The following SPEF2 variants were observed in gnomAD, a reference collection of about 807,000 sequenced individuals.
SPEF2 encodes sperm flagellar and cilia associated 2, also known as sperm flagella and cilia-associated protein 2.
SPEF2 carries 187 observed loss-of-function variants against 224.6 expected under a neutral mutation model. The ratio of observed to expected loss-of-function variants is 0.83; its 90% CI spans 0.74 to 0.94. SPEF2 has a LOEUF of 0.94. SPEF2 is among the 40% of genes least tolerant of loss of function. The pLI is 0.00. For synonymous variants in SPEF2, 715 were observed against 707.3 expected (o/e 1.01, Z -0.17); for missense variants, 2,170 against 2,135.6 (o/e 1.02, Z -0.32).
In SPEF2 at chr5:35,641,489, G is replaced by A. The variant is rs34307272; in HGVS notation, c.220G>A (p.Gly74Ser). The change falls in exon 3 of 37, where the codon GGT becomes AGT. Residue 74 changes from glycine (G) to serine (S), a missense_variant. Transcript: ENST00000356031. Reference sequence around the variant, plus strand: ...CTTGGAGCCAACACTTAACCTTCTGGGTGTGCAGTTTGATCAGAATGTGGC... The same window carrying A: ...CTTGGAGCCAACACTTAACCTTCTGAGTGTGCAGTTTGATCAGAATGTGGC... ...SRLEPTLNLLGVQFDQNVAHG... is the reference protein window; with the variant it reads ...SRLEPTLNLLSVQFDQNVAHG... 0.05 allele frequency: 80,650 copies of A among 1,613,610 alleles called. 2,246 individuals are homozygous for A. Among genetic ancestry groups the A allele is most frequent in the African/African-American group, 0.062 (4,617 of 74,938 alleles).
chr5:35,640,246 T>A (rs1746422298), intron 2 of SPEF2, among the ~76,000 whole-genome samples: 1 of 152,142 alleles, frequency 6.6e-6, no homozygotes, highest in African/African-American at 2.4e-5. Flanking sequence ...AACATGCCCC[T>A]AAAATCTGTA....
chr5:35,708,695 C>T (rs113363488), intron 18 of SPEF2, among the ~76,000 whole-genome samples: 47 of 948 alleles, frequency 0.05, no homozygotes, highest in Non-Finnish European at 0.067. Flanking sequence ...ACCTCCATCA[C>T]CATCACCACC....
chr5:35,630,699 A>C (rs1009974433), intron 2 of SPEF2, among the ~76,000 whole-genome samples: 1 of 151,254 alleles, frequency 6.6e-6, no homozygotes, highest in Non-Finnish European at 1.5e-5. Context: ...CCGTCTCAAA[A>C]AAAGAAAAAA....
At chr5:35,692,267 T>C (rs1754623720) in intron 11 of SPEF2, among the ~76,000 whole-genome samples, 1 of 151,884 alleles carries the variant, frequency 6.6e-6, no homozygotes, top group Non-Finnish European at 1.5e-5. Context: ...AAAAATTAGC[T>C]GGGTGTGGTG....
At chr5:35,638,634 TATTAC>T (rs1361941127) in intron 2 of SPEF2, among the ~76,000 whole-genome samples, 1 of 152,196 alleles carries the variant, frequency 6.6e-6, no homozygotes, top group African/African-American at 2.4e-5. Context: ...TCCCTTTCCT[TATTAC>T]ATTATCATTA....
At chr5:35,812,553 T>C (rs553614785) in intron 36 of SPEF2, among the ~76,000 whole-genome samples, 2 of 152,336 alleles carry the variant, frequency 1.3e-5, no homozygotes, top group African/African-American at 2.4e-5. Flanking sequence ...CTGTGATAAA[T>C]ATATATTTAT....
At chr5:35,710,535 G>C in intron 19 of SPEF2, 3 of 958,944 alleles carry the variant, frequency 3.1e-6, no homozygotes, top group Non-Finnish European at 3.7e-6. Context: ...CTAGCCTGGG[G>C]GATAGAGTGA....
At chr5:35,671,264 A>G in intron 10 of SPEF2, 1 of 978,140 alleles carries the variant, frequency 1.0e-6, no homozygotes, top group African/African-American at 1.7e-5. Context: ...AAATAACACT[A>G]ACAAGTAAAT....
chr5:35,771,887 C>G (rs1351540811), intron 27 of SPEF2, 131 bp downstream of exon 27: 8 of 1,131,674 alleles, frequency 7.1e-6, no homozygotes, highest in Non-Finnish European at 9.5e-6. Flanking sequence ...AACTAGAGAC[C>G]CGGGCTTCTA....
rs1346958084 is a variant in SPEF2, at chr5:35,763,636, C to G, written c.3735C>G (p.Asn1245Lys). ...ACTCCCTAGAAAACGTTGAGTCCAA[C>G]TTTGAGGCCGATGAAAAGTTGGTCA... ...MDNSLENVES[N>K]FEADEKLVMD... Residue 1245 changes from asparagine (N) to lysine (K), a missense_variant, in exon 26 of 37, where the codon AAC (asparagine) becomes AAG (lysine). Coordinates refer to ENST00000356031, the MANE Select transcript of SPEF2 (RefSeq NM_024867.4). 3 of 1,613,814 alleles carry G rather than the reference C, an allele frequency of 1.9e-6. No individual in the cohort carries two copies. Among genetic ancestry groups the G allele is most frequent in the Non-Finnish European group, 2.5e-6 (3 of 1,179,936 alleles).
chr5:35,705,683 T>C lies in SPEF2; in HGVS notation c.2540T>C (p.Leu847Ser), dbSNP rs1362395183. Residue 847 changes from leucine (L) to serine (S), a missense_variant, in exon 18 of 37, where the codon TTG becomes TCG. By Grantham distance (145) the Leu-to-Ser change is moderately radical. Transcript: ENST00000356031. ...IIGFLDNWPL[L>S]EQWFSEPENI... ...GGCTTCTTGGACAACTGGCCTTTATTGGAGCAATGGTTTTCAGAGCCAGAA... is the reference window on the plus strand; with the variant it reads ...GGCTTCTTGGACAACTGGCCTTTATCGGAGCAATGGTTTTCAGAGCCAGAA... 1.3e-6 allele frequency: 2 copies of C among 1,591,126 alleles called. No individual in the cohort carries two copies. Among genetic ancestry groups the C allele is most frequent in the Admixed American group, 1.9e-5 (1 of 53,380 alleles).
intron 1 of SPEF2, among the ~76,000 whole-genome samples, chr5:35,627,473 C>T (rs1580014017): frequency 6.6e-6 from 1 of 151,880 alleles, no homozygotes; most frequent in Non-Finnish European, 1.5e-5. Context: ...TGGTGGCACA[C>T]ACCTGTAATC....
chr5:35,788,900 G>T lies in SPEF2; in HGVS notation c.4448-3440G>T, dbSNP rs556487698. The T allele has an allele frequency of 1.6e-4, 112 of 702,958 alleles. 3 individuals are homozygous for T. In the South Asian group the frequency reaches 1.6e-3, roughly 10 times the overall value. 43.5% of individuals were successfully genotyped at this position (702,958 alleles called of 1,614,324 possible). ...TCTTCATAAGAGTGCTCTGAGAACT[G>T]CTTTCAAAGGCCTTCACCTTCGACC... On this transcript the variant is annotated intron_variant, in intron 30 of 36. Coordinates refer to ENST00000356031, the MANE Select transcript of SPEF2 (RefSeq NM_024867.4).
intron 23 of SPEF2, among the ~76,000 whole-genome samples, chr5:35,740,492 C>G (rs929780220): frequency 6.6e-6 from 1 of 152,184 alleles, no homozygotes; most frequent in Non-Finnish European, 1.5e-5. Context: ...AAAGTCCGCA[C>G]TGCGAGAACA....
chr5:35,644,298 A>G (rs1747035564), intron 3 of SPEF2, 57 bp from the exon 4 acceptor site: 1 of 1,344,660 alleles, frequency 7.4e-7, no homozygotes, highest in Middle Eastern at 2.0e-4. Context: ...TGTGCTTATA[A>G]TGAAAATGTA....
chr5:35,651,901 C>T (rs983939154), intron 6 of SPEF2, among the ~76,000 whole-genome samples: 1 of 152,138 alleles, frequency 6.6e-6, no homozygotes, highest in Non-Finnish European at 1.5e-5. Flanking sequence ...TAACAAGGTT[C>T]CTCCATTTTT....
chr5:35,673,007 A>G (rs185292302), intron 10 of SPEF2, among the ~76,000 whole-genome samples: 9 of 152,312 alleles, frequency 5.9e-5, no homozygotes, highest in African/African-American at 1.9e-4. Flanking sequence ...ATCACACTCT[A>G]TTTATGTGAG....
At position 35,650,974 on chromosome 5, in the gene SPEF2, C is replaced by T. The variant is rs191138187; in HGVS notation, c.791+1549C>T. On this transcript the variant is annotated intron_variant, in intron 6 of 36. Coordinates refer to ENST00000356031, the MANE Select transcript of SPEF2 (RefSeq NM_024867.4). ...GACTGAGGCTTCTCCTTTCTTTTGC[C>T]TCACTGTCCTGTTGTGTGGTTTTCA... Among the ~76,000 whole-genome samples, 53 of 152,332 alleles carry T rather than the reference C, an allele frequency of 3.5e-4. 1 individual carries two copies. In the East Asian group the frequency reaches 8.7e-3, roughly 25 times the overall value.
At chr5:35,740,088 C>T (rs978742662) in intron 22 of SPEF2, 41 bp from the exon 23 acceptor site, 2 of 1,614,020 alleles carry the variant, frequency 1.2e-6, no homozygotes, top group South Asian at 2.2e-5. Flanking sequence ...AGTTTAGAGG[C>T]ATGACATATA....
Sources: allele counts gnomAD v4.1 joint callset (sites outside exome capture counted in the v4.1 genomes callset), GRCh38; gene constraint gnomAD v4.1.1; transcripts MANE v1.5; gene names NCBI Gene and HGNC (gene_info 2026-07-23, HGNC 2026-07-21).